The following IDO2 variants were observed in gnomAD, a reference collection of about 807,000 sequenced individuals.
IDO2 encodes indoleamine 2,3-dioxygenase-like 1 protein.
IDO2 carries 46 observed loss-of-function variants against 45.1 expected under a neutral mutation model. That is an observed-to-expected ratio of 1.02 (90% CI 0.80 to 1.30). The LOEUF is 1.30. Among genes scored for constraint, IDO2 ranks in the 50% most tolerant of loss-of-function variants. The pLI, the probability that IDO2 is intolerant of heterozygous loss-of-function variation, is 0.00. For missense variants in IDO2, 544 were observed against 491.8 expected (o/e 1.11, Z -1.00); for synonymous variants, 218 against 184.9 (o/e 1.18, Z -1.45).
At chr8:39,962,180 T>C (rs1808008757) in intron 2 of IDO2, among the ~76,000 whole-genome samples, 1 of 152,204 alleles carries the variant, frequency 6.6e-6, no homozygotes, top group Admixed American at 6.5e-5. Flanking sequence ...ACCACAGGCC[T>C]AGAGTGGGCC....
intron 8 of IDO2, among the ~76,000 whole-genome samples, chr8:40,001,170 T>TTCTCTCTC (rs140987115): frequency 6.7e-6 from 1 of 149,732 alleles, no homozygotes; most frequent in African/African-American, 2.4e-5. Context: ...AATCTCTTCT[T>TTCTCTCTC]TCTCTCTCTC....
intron 8 of IDO2, among the ~76,000 whole-genome samples, chr8:39,991,964 G>A (rs573175399): frequency 2.0e-5 from 3 of 152,310 alleles, no homozygotes; most frequent in South Asian, 4.1e-4. Context: ...CAGGGCTACC[G>A]CCCTTGTTTT....
chr8:39,945,610 GTCTAAAGAGAAT>G (rs1807716927), intron 1 of IDO2, among the ~76,000 whole-genome samples: 1 of 152,166 alleles, frequency 6.6e-6, no homozygotes, highest in African/African-American at 2.4e-5. Context: ...AGGGAAGAAT[GTCTAAAGAGAAT>G]TACCTACAAG....
In IDO2 at chr8:40,013,720, C is replaced by A; in HGVS notation, c.868+7C>A. 1 of 1,592,192 alleles carries A rather than the reference C, an allele frequency of 6.3e-7. No homozygotes were observed. Among genetic ancestry groups the A allele is most frequent in the Non-Finnish European group, 8.6e-7 (1 of 1,167,118 alleles). ...CGTCATAGCAAGGAAAGTGGTAAGT[C>A]AGACATTTTGTTTTCCCTTGAGAGT... On this transcript the variant is annotated splice_region_variant and intron_variant, in intron 10 of 10. Coordinates refer to ENST00000502986, the Ensembl canonical transcript of IDO2.
At chr8:39,943,970 G>C (rs1340547843) in intron 1 of IDO2, among the ~76,000 whole-genome samples, 1 of 152,066 alleles carries the variant, frequency 6.6e-6, no homozygotes, top group Non-Finnish European at 1.5e-5. Context: ...AGAAGGAGCT[G>C]AGGCCAGGCG....
At chr8:40,008,034 C>A (rs1585421462) in intron 9 of IDO2, among the ~76,000 whole-genome samples, 1 of 144,494 alleles carries the variant, frequency 6.9e-6, no homozygotes, top group African/African-American at 2.6e-5. Context: ...TTTTCCATCT[C>A]AGCACTGGCA....
intron 3 of IDO2, among the ~76,000 whole-genome samples, chr8:39,966,663 A>T (rs1318191573): frequency 2.0e-5 from 3 of 152,204 alleles, no homozygotes; most frequent in African/African-American, 7.2e-5. Context: ...TTGAAACAAA[A>T]TATATTAATT....
At chr8:39,967,583 G>A (rs1237469507) in intron 3 of IDO2, among the ~76,000 whole-genome samples, 1 of 152,124 alleles carries the variant, frequency 6.6e-6, no homozygotes, top group Non-Finnish European at 1.5e-5. Context: ...CTGCCTCTGG[G>A]TTCAAGCAAT....
intron 1 of IDO2, among the ~76,000 whole-genome samples, chr8:39,944,021 TC>T (rs1166840455): frequency 1.3e-5 from 2 of 152,102 alleles, no homozygotes; most frequent in Non-Finnish European, 2.9e-5. Flanking sequence ...GAACCATAAA[TC>T]AAACAACTTT....
intron 1 of IDO2, among the ~76,000 whole-genome samples, chr8:39,939,793 T>C (rs1346939895): frequency 6.6e-6 from 1 of 151,106 alleles, no homozygotes; most frequent in East Asian, 1.9e-4. Flanking sequence ...AACAAAGAAG[T>C]AATTAATGAA....
intron 2 of IDO2, among the ~76,000 whole-genome samples, chr8:39,951,362 A>C (rs542135881): frequency 3.3e-4 from 48 of 146,978 alleles, no homozygotes; most frequent in Admixed American, 1.7e-3. Context: ...AATGGACCGG[A>C]CTGTTTCCTC....
exon 10 of IDO2, chr8:40,013,622 G>A: frequency 6.2e-7 from 1 of 1,613,876 alleles, no homozygotes; most frequent in Non-Finnish European, 8.5e-7. Context: ...TTTCCCAAGA[G>A]CCCCTGAAAT....
chr8:39,937,682 G>A lies in IDO2; in HGVS notation c.-18+2464G>A, dbSNP rs181892823. Among the ~76,000 whole-genome samples the A allele has an allele frequency of 1.3e-3, 203 of 152,026 alleles. 2 individuals carry two copies. The South Asian group carries it at 0.014, about 10-fold the overall frequency. On this transcript the variant is annotated intron_variant, in intron 1 of 10. Transcript: ENST00000502986. The stretch of plus-strand genomic sequence containing the variant: ...ACTACAGGCCTGCACCACCACATCT[G>A]GCTAATTTTTTATATTTTTGTAGAG...
At chr8:39,963,580 T>C in intron 2 of IDO2, 28 bp from the exon 3 acceptor site, 1 of 1,426,432 alleles carries the variant, frequency 7.0e-7, no homozygotes, top group Non-Finnish European at 9.8e-7. Flanking sequence ...AGGTCTAAAA[T>C]ATTTACATGT....
rs776377753 is a variant in IDO2, at chr8:39,935,176, A to G, written c.-60A>G. On this transcript the variant is annotated 5_prime_UTR_variant, in exon 1 of 11. Coordinates refer to ENST00000502986, the Ensembl canonical transcript of IDO2. ...CTTAGGAAATGAAGCTTGACACTTC[A>G]CCCACCAGGCCACCACAAGAATGTT... 20 of 1,613,116 alleles carry G rather than the reference A, an allele frequency of 1.2e-5. 1 individual carries two copies. In the East Asian group the frequency reaches 1.6e-4, roughly 13 times the overall value.
rs529702279 is a variant in IDO2 at position 39,979,241 on chromosome 8, G to A, written c.315+55G>A. On this transcript the variant is annotated intron_variant, in intron 4 of 10. Transcript: ENST00000502986. ...ACCCGGCAGGTTACCTGCGCCTGGAGTAACGTGCTCCCTGCTTGGTGCTAC... is the reference window on the plus strand; with the variant it reads ...ACCCGGCAGGTTACCTGCGCCTGGAATAACGTGCTCCCTGCTTGGTGCTAC... 147 of 1,549,632 alleles carry A rather than the reference G, an allele frequency of 9.5e-5. 2 individuals are homozygous for A. In the South Asian group the frequency reaches 1.6e-3, roughly 17 times the overall value.
chr8:39,970,474 C>A (rs1452028452), intron 3 of IDO2, among the ~76,000 whole-genome samples: 2 of 152,190 alleles, frequency 1.3e-5, no homozygotes, highest in African/African-American at 2.4e-5. Context: ...TCACTGCAAC[C>A]TCCACCTCCT....
rs138981779 is a variant in IDO2 at position 39,952,471 on chromosome 8, A to T, written c.99+3207A>T. Among the ~76,000 whole-genome samples the T allele has an allele frequency of 8.3e-4, 127 of 152,328 alleles. 1 individual carries two copies. The East Asian group carries it at 0.021, about 25-fold the overall frequency. ...GTGGTCAAGACAGTGAATAAAAAAA[A>T]TTCTGGTTTTGGGAAGCAGTCTGAC... On this transcript the variant is annotated intron_variant, in intron 2 of 10. Transcript: ENST00000502986.
At chr8:40,013,028 T>C (rs1051285443) in intron 9 of IDO2, among the ~76,000 whole-genome samples, 1 of 152,222 alleles carries the variant, frequency 6.6e-6, no homozygotes, top group Non-Finnish European at 1.5e-5. Context: ...TTTAACGTGA[T>C]GACTTCTTAA....
Sources: gnomAD v4.1 joint callset for allele counts (sites outside exome capture counted in the v4.1 genomes callset) on GRCh38, gnomAD v4.1.1 for gene constraint, MANE v1.5 for transcripts, NCBI Gene and HGNC (gene_info 2026-07-23, HGNC 2026-07-21) for gene names.